The following ZNF565 variants were observed in gnomAD, a reference collection of about 807,000 sequenced individuals.
ZNF565 encodes the protein zinc finger protein 565.
In ZNF565, 27 loss-of-function variants were observed where a neutral mutation model predicts 39.4. The observed-to-expected ratio is 0.69, with a 90% CI of 0.51 to 0.95. ZNF565 has a LOEUF of 0.95. Ranked by LOEUF, ZNF565 falls within the 40% of genes least tolerant of loss-of-function variation. ZNF565 has a pLI of 0.00. For synonymous variants in ZNF565, 185 were observed against 216.6 expected (o/e 0.85, Z 1.28); for missense variants, 524 against 621.1 (o/e 0.84, Z 1.66).
chr19:36,189,476 G>A (rs1403931984), intron 4 of ZNF565, among the ~76,000 whole-genome samples: 4 of 151,360 alleles, frequency 2.6e-5, no homozygotes, highest in Non-Finnish European at 5.9e-5. Context: ...CACCATGCCC[G>A]GCTAATTTTT....
chr19:36,208,749 T>C (rs1181705378), intron 1 of ZNF565, among the ~76,000 whole-genome samples: 1 of 152,142 alleles, frequency 6.6e-6, no homozygotes, highest in East Asian at 1.9e-4. Flanking sequence ...GGTACAGGAA[T>C]CTCCATCTTA....
At position 36,245,055 on chromosome 19, in the gene ZNF565, G is replaced by C. The variant is rs2029884021; in HGVS notation, c.55+421C>G. On this transcript the variant is annotated intron_variant, in intron 1 of 4. Coordinates refer to the ZNF565 transcript ENST00000355114. The surrounding 1 kb of genome is among the most constrained non-coding windows in gnomAD (Gnocchi z 4.4). Reference sequence around the variant, plus strand: ...TCAGTGGCTAGGCTAGAAACTGTTGGAAACTCTTAATTTATCATGTGACGT... The same window carrying C: ...TCAGTGGCTAGGCTAGAAACTGTTGCAAACTCTTAATTTATCATGTGACGT... Among the ~76,000 whole-genome samples the C allele has an allele frequency of 6.6e-6, 1 of 152,068 alleles. No homozygotes were observed. The highest frequency in any genetic ancestry group is 1.5e-5 in the Non-Finnish European group (1 of 68,012).
chr19:36,211,181 G>A (rs1976341646), intron 1 of ZNF565, among the ~76,000 whole-genome samples: 2 of 152,032 alleles, frequency 1.3e-5, no homozygotes, highest in East Asian at 1.9e-4. Context: ...GGTGGCTCAC[G>A]CCTATAATCC....
chr19:36,207,260 G>A (rs1318127038), intron 1 of ZNF565, among the ~76,000 whole-genome samples: 2 of 152,168 alleles, frequency 1.3e-5, no homozygotes, highest in Non-Finnish European at 2.9e-5. Flanking sequence ...ATATTTAAAA[G>A]GGGCGGGGCA....
intron 1 of ZNF565, among the ~76,000 whole-genome samples, chr19:36,242,307 G>A (rs1232905698): frequency 6.6e-6 from 1 of 152,126 alleles, no homozygotes; most frequent in Non-Finnish European, 1.5e-5. Context: ...CTACTTGGGA[G>A]GCTGAGACAA....
upstream of ZNF565, among the ~76,000 whole-genome samples, chr19:36,219,043 C>G (rs552065852): frequency 6.7e-6 from 1 of 148,672 alleles, no homozygotes; most frequent in Non-Finnish European, 1.5e-5. Context: ...CTCCTGACCT[C>G]GTGATCCGCC....
rs1975147446 is a variant in ZNF565 at position 36,183,162 on chromosome 19, C to T, written c.804G>A (p.Leu268=). ...KTFRQHSQLI[L]HQRTHTGEKP... ...TCTCGCCTGTGTGAGTTCTTTGATG[C>T]AGAATCAGCTGTGAATGCTGCCTAA... The change falls in exon 5 of 5, where the codon CTG becomes CTA. Residue 268 remains leucine (L), a synonymous_variant. Coordinates refer to ENST00000304116, the MANE Select transcript of ZNF565 (RefSeq NM_152477.5). 1.9e-6 allele frequency: 3 copies of T among 1,613,972 alleles called. No individual in the cohort carries two copies. Among genetic ancestry groups the T allele is most frequent in the African/African-American group, 1.3e-5 (1 of 74,914 alleles).
intron 1 of ZNF565, chr19:36,236,535 C>G (rs749978139): frequency 6.2e-7 from 1 of 1,614,212 alleles, no homozygotes; most frequent in Non-Finnish European, 8.5e-7. Flanking sequence ...TCAAACCTCA[C>G]TGAGCATGAG....
At chr19:36,237,713 C>A (rs1427516633) in intron 1 of ZNF565, 1 of 178,956 alleles carries the variant, frequency 5.6e-6, no homozygotes, top group Non-Finnish European at 1.3e-5. Context: ...AATATTAAGA[C>A]TCCTGTGGTA....
chr19:36,237,614 T>A, intron 1 of ZNF565: 1 of 256,338 alleles, frequency 3.9e-6, no homozygotes, highest in Non-Finnish European at 8.0e-6. Flanking sequence ...CCACCATAGA[T>A]CTGGAGATCT....
intron 1 of ZNF565, among the ~76,000 whole-genome samples, chr19:36,239,325 AT>A (rs1977756130): frequency 7.0e-6 from 1 of 142,336 alleles, no homozygotes; most frequent in East Asian, 2.0e-4. Context: ...TTTTGATAAT[AT>A]CTTTTTTTTT....
At chr19:36,233,953 C>T (rs200635798) in intron 1 of ZNF565, among the ~76,000 whole-genome samples, 2 of 148,934 alleles carry the variant, frequency 1.3e-5, no homozygotes, top group Admixed American at 6.6e-5. Flanking sequence ...TTTCCCTTCC[C>T]GCGGGGCCAT....
chr19:36,231,541 A>G (rs1977371632), intron 1 of ZNF565, among the ~76,000 whole-genome samples: 1 of 152,148 alleles, frequency 6.6e-6, no homozygotes, highest in Non-Finnish European at 1.5e-5. Flanking sequence ...TATAATATCA[A>G]TTCTTATTTT....
At chr19:36,196,831 G>A (rs142578171) in intron 2 of ZNF565, among the ~76,000 whole-genome samples, 3,396 of 152,202 alleles carry the variant, frequency 0.022, 59 homozygotes, top group Middle Eastern at 0.054. Context: ...GCTGAGGTGG[G>A]TGAATCACCT....
chr19:36,221,972 C>G (rs1976866707), intron 1 of ZNF565, among the ~76,000 whole-genome samples: 1 of 144,958 alleles, frequency 6.9e-6, no homozygotes, highest in Non-Finnish European at 1.5e-5. Context: ...CTCTGTCACC[C>G]AAGCTGGTGT....
rs1975135897 is a variant in ZNF565, at chr19:36,182,870, T to C, written c.1096A>G (p.Lys366Glu). Residue 366 changes from lysine to glutamate, a missense_variant, in exon 5 of 5, where the codon AAG (lysine) becomes GAG (glutamate). Transcript: ENST00000304116. ...IHSGEKPYECKECGKAFRQHA... is the reference protein window; with the variant it reads ...IHSGEKPYECEECGKAFRQHA... ...TGTCTGAAGGCCTTCCCACATTCCT[T>C]ACACTCATAGGGTTTCTCCCCAGAA... 2 of 1,614,056 alleles carry C rather than the reference T, an allele frequency of 1.2e-6. No homozygotes were observed. Among genetic ancestry groups the C allele is most frequent in the Admixed American group, 3.3e-5 (2 of 59,978 alleles).
intron 1 of ZNF565, among the ~76,000 whole-genome samples, chr19:36,209,876 T>A: frequency 6.6e-6 from 1 of 151,902 alleles, no homozygotes; most frequent in Non-Finnish European, 1.5e-5. Flanking sequence ...GCAAATATAT[T>A]TATATATATT....
intron 2 of ZNF565, 88 bp downstream of exon 2, chr19:36,201,889 C>T (rs1975977096): frequency 1.3e-6 from 2 of 1,491,628 alleles, no homozygotes; most frequent in Non-Finnish European, 1.9e-6. Flanking sequence ...GAGAAGGATA[C>T]AGGGAAGTTC....
At chr19:36,231,750 G>T (rs1159694287) in intron 1 of ZNF565, among the ~76,000 whole-genome samples, 1 of 152,028 alleles carries the variant, frequency 6.6e-6, no homozygotes, top group Non-Finnish European at 1.5e-5. Flanking sequence ...TTTGTAATAG[G>T]ATCAGTCAAG....
Sources: gnomAD v4.1 joint callset for allele counts (sites outside exome capture counted in the v4.1 genomes callset) on GRCh38, gnomAD v4.1.1 for gene constraint, Gnocchi (gnomAD v3.1) non-coding constraint, MANE v1.5 for transcripts, NCBI Gene and HGNC (gene_info 2026-07-23, HGNC 2026-07-21) for gene names.